Variants in SEMA4D observed in about 807,000 individuals in gnomAD.
SEMA4D encodes the protein semaphorin-4D.
In SEMA4D, 22 loss-of-function variants were observed where a neutral mutation model predicts 74.8. The observed-to-expected ratio is 0.29, with a 90% CI of 0.21 to 0.42. The LOEUF (loss-of-function observed/expected upper bound fraction) is 0.42. Among genes scored for constraint, SEMA4D ranks in the 10% least tolerant of loss-of-function variants. The pLI, the probability that SEMA4D is intolerant of heterozygous loss-of-function variation, is 1.00. For missense variants in SEMA4D, 937 were observed against 1,118.4 expected (o/e 0.84, Z 2.31); for synonymous variants, 445 against 463.7 (o/e 0.96, Z 0.52).
chr9:89,430,784 A>G (rs73486154), intron 2 of SEMA4D, among the ~76,000 whole-genome samples: 1,686 of 152,298 alleles, frequency 0.011, 24 homozygotes, highest in African/African-American at 0.038. Context: ...CAAGATCAGG[A>G]TGGCCTACAT....
chr9:89,471,700 G>C (rs1471098917), intron 1 of SEMA4D, among the ~76,000 whole-genome samples: 1 of 146,716 alleles, frequency 6.8e-6, no homozygotes, highest in Non-Finnish European at 1.5e-5. Context: ...ATGCCAGATA[G>C]GGTGCACGCT....
intron 2 of SEMA4D, among the ~76,000 whole-genome samples, chr9:89,414,398 G>A (rs3924246): frequency 6.6e-6 from 1 of 152,256 alleles, no homozygotes; most frequent in Admixed American, 6.5e-5. Flanking sequence ...CCTACAACCA[G>A]GACAGTGGAG....
intron 5 of SEMA4D, among the ~76,000 whole-genome samples, 157 bp from the exon 6 acceptor site, chr9:89,396,992 G>C (rs771061927): frequency 1.6e-4 from 24 of 152,218 alleles, no homozygotes; most frequent in Non-Finnish European, 2.8e-4. Flanking sequence ...TGCATTCTCA[G>C]CCTTGTCTTG....
chr9:89,393,036 T>C (rs1046754698), intron 7 of SEMA4D, among the ~76,000 whole-genome samples: 1 of 152,212 alleles, frequency 6.6e-6, no homozygotes, highest in African/African-American at 2.4e-5. Context: ...CTCAAACTCC[T>C]GTCCTCCCGC....
At chr9:89,413,809 T>C (rs1428303260) in intron 2 of SEMA4D, among the ~76,000 whole-genome samples, 1 of 152,272 alleles carries the variant, frequency 6.6e-6, no homozygotes, top group African/African-American at 2.4e-5. Flanking sequence ...TATACATGTA[T>C]GTGTGCACAG....
intron 2 of SEMA4D, among the ~76,000 whole-genome samples, chr9:89,414,258 T>C (rs747219046): frequency 3.3e-5 from 5 of 152,172 alleles, no homozygotes; most frequent in Non-Finnish European, 7.4e-5. Context: ...CAATCTAACA[T>C]AGGCAGTCAT....
chr9:89,384,889 G>A, intron 13 of SEMA4D: 1 of 985,390 alleles, frequency 1.0e-6, no homozygotes, highest in East Asian at 1.1e-4. Flanking sequence ...CCCACCTGGA[G>A]CCTACTGAGG....
chr9:89,415,661 T>C (rs1391520830), intron 2 of SEMA4D, among the ~76,000 whole-genome samples: 1 of 152,212 alleles, frequency 6.6e-6, no homozygotes, highest in Non-Finnish European at 1.5e-5. Flanking sequence ...AGACACCAAA[T>C]CTGCCAGCGC....
In SEMA4D at chr9:89,363,428, A is replaced by T; in HGVS notation, c.2190+2T>A. 6.2e-7 allele frequency: 1 copy of T among 1,612,066 alleles called. No individual in the cohort carries two copies. The highest frequency in any genetic ancestry group is 2.2e-5 in the East Asian group (1 of 44,852). On this transcript the variant is annotated splice_donor_variant, in intron 18 of 18. Coordinates refer to the SEMA4D transcript ENST00000339861. LOFTEE classifies it high-confidence loss of function. ...TTTCTTTGCCCGGCTGCGGCCACTTACCCACGCCTTCCTCCAGCTCTGCAT... is the reference window on the plus strand; with the variant it reads ...TTTCTTTGCCCGGCTGCGGCCACTTTCCCACGCCTTCCTCCAGCTCTGCAT...
chr9:89,371,932 G>GTC (rs1463854258), intron 16 of SEMA4D, among the ~76,000 whole-genome samples: 1 of 118,094 alleles, frequency 8.5e-6, no homozygotes, highest in Admixed American at 8.2e-5. Context: ...TGTGGTGTGT[G>GTC]TGGGGTGTGG....
At chr9:89,475,097 G>A (rs1030787235) in intron 1 of SEMA4D, among the ~76,000 whole-genome samples, 1 of 152,228 alleles carries the variant, frequency 6.6e-6, no homozygotes, top group Non-Finnish European at 1.5e-5. Flanking sequence ...GGGTCGAGGT[G>A]CAGGATGAGA....
intron 15 of SEMA4D, among the ~76,000 whole-genome samples, chr9:89,380,272 A>G (rs1836727972): frequency 6.6e-6 from 1 of 152,082 alleles, no homozygotes; most frequent in Non-Finnish European, 1.5e-5. Flanking sequence ...AGCTCAAGTG[A>G]TCCTCTTGCC....
chr9:89,463,431 T>C (rs188552929), intron 1 of SEMA4D, among the ~76,000 whole-genome samples: 58 of 152,274 alleles, frequency 3.8e-4, no homozygotes, highest in African/African-American at 1.3e-3. Context: ...CAGGGGTCCA[T>C]TCCCAGGTGC....
rs1378589374 is a variant in SEMA4D at position 89,484,719 on chromosome 9, G to A, written c.-310+13200C>T. 6.6e-6 allele frequency among the ~76,000 whole-genome samples: 1 copy of A among 150,864 alleles called. No homozygotes were observed. The highest frequency in any genetic ancestry group is 1.5e-5 in the Non-Finnish European group (1 of 67,644). ...GGTATGTGATGTGGTGTATGGATGTGTTGTGTGTTATGTGTGTGTGGTGTG... is the reference window on the plus strand; with the variant it reads ...GGTATGTGATGTGGTGTATGGATGTATTGTGTGTTATGTGTGTGTGGTGTG... On this transcript the variant is annotated intron_variant, in intron 1 of 15. Transcript: ENST00000422704. The surrounding 1 kb of genome is among the most constrained non-coding windows in gnomAD (Gnocchi z 4.1).
rs1857092115 is a variant in SEMA4D at position 89,461,089 on chromosome 9, A to G, written c.-309-5136T>C. On this transcript the variant is annotated intron_variant, in intron 1 of 15. Coordinates refer to ENST00000422704, the MANE Select transcript of SEMA4D (RefSeq NM_001371194.2). Reference sequence around the variant, plus strand: ...TTTTCTAAGATCACTGCAAACTGCAACTGAACACACGAAAGAAAATGTGCA... The same window carrying G: ...TTTTCTAAGATCACTGCAAACTGCAGCTGAACACACGAAAGAAAATGTGCA... 2.6e-5 allele frequency among the ~76,000 whole-genome samples: 4 copies of G among 152,188 alleles called. No individual in the cohort carries two copies. The South Asian group carries it at 8.3e-4, about 32-fold the overall frequency.
intron 9 of SEMA4D, among the ~76,000 whole-genome samples, chr9:89,389,571 G>C (rs1317491745): frequency 1.3e-5 from 2 of 152,206 alleles, no homozygotes; most frequent in Non-Finnish European, 2.9e-5. Flanking sequence ...TCTACCCAAA[G>C]TATCTGCTAA....
At chr9:89,445,219 C>G (rs1239263008) in intron 2 of SEMA4D, among the ~76,000 whole-genome samples, 2 of 152,208 alleles carry the variant, frequency 1.3e-5, no homozygotes, top group African/African-American at 2.4e-5. Flanking sequence ...AGATCTATTA[C>G]AAGGAAGAGA....
intron 13 of SEMA4D, chr9:89,385,168 C>T (rs1838165820): frequency 1.1e-6 from 1 of 895,414 alleles, no homozygotes. Context: ...GTGCGGCCCT[C>T]CTCTTCCTAC....
chr9:89,379,080 G>A lies in SEMA4D; in HGVS notation c.2213C>T (p.Ser738Phe), dbSNP rs897598869. 1.9e-6 allele frequency: 3 copies of A among 1,613,894 alleles called. No individual in the cohort carries two copies. In the African/African-American group the frequency reaches 4.0e-5, roughly 22 times the overall value. The change falls in exon 16 of 16, where the codon TCC (serine) becomes TTC (phenylalanine). Residue 738 changes from serine to phenylalanine, a missense_variant. By Grantham distance (155) the Ser-to-Phe change is radical. Coordinates refer to ENST00000422704, the MANE Select transcript of SEMA4D (RefSeq NM_001371194.2). ...LKSSDNRLLM[S>F]LFLFFFVLFL... Reference sequence around the variant, plus strand: ...GAGAACAAAGAAGAAGAGGAAGAGGGACATGAGGAGGCGGTTGTCGCTGGA... The same window carrying A: ...GAGAACAAAGAAGAAGAGGAAGAGGAACATGAGGAGGCGGTTGTCGCTGGA...
Sources: allele counts gnomAD v4.1 joint callset (sites outside exome capture counted in the v4.1 genomes callset), GRCh38; gene constraint gnomAD v4.1.1; non-coding constraint Gnocchi (gnomAD v3.1); transcripts MANE v1.5; gene names NCBI Gene and HGNC (gene_info 2026-07-23, HGNC 2026-07-21).